The following ASTN2 variants were observed in gnomAD, a reference collection of about 807,000 sequenced individuals.
The protein encoded by ASTN2 is astrotactin 2.
ASTN2 carries 54 observed loss-of-function variants against 139.8 expected under a neutral mutation model. The observed-to-expected ratio is 0.39, with a 90% CI of 0.31 to 0.48. The LOEUF is 0.48. Among genes scored for constraint, ASTN2 ranks in the 20% least tolerant of loss-of-function variants. The pLI is 0.95. For synonymous variants in ASTN2, 756 were observed against 719.5 expected (o/e 1.05, Z -0.81); for missense variants, 1,565 against 1,725.1 (o/e 0.91, Z 1.64).
chr9:117,322,635 C>T (rs1282306362), intron 1 of ASTN2, among the ~76,000 whole-genome samples: 3 of 152,184 alleles, frequency 2.0e-5, no homozygotes, highest in African/African-American at 7.2e-5. Flanking sequence ...TAGCCAAAGA[C>T]AGAGCCCTCT....
At chr9:116,599,131 G>A (rs1854737498) in intron 19 of ASTN2, among the ~76,000 whole-genome samples, 1 of 152,146 alleles carries the variant, frequency 6.6e-6, no homozygotes, top group Admixed American at 6.6e-5. Context: ...AGACGACCTA[G>A]AGTTTCCATG....
At chr9:116,953,264 G>A (rs1419252394) in intron 10 of ASTN2, among the ~76,000 whole-genome samples, 4 of 152,194 alleles carry the variant, frequency 2.6e-5, no homozygotes, top group African/African-American at 7.2e-5. Flanking sequence ...GTTAAGTGGG[G>A]TGCCCAAAGC....
chr9:116,768,313 CTCCATCTT>C (rs150070353), intron 13 of ASTN2, among the ~76,000 whole-genome samples: 46,232 of 151,808 alleles, frequency 0.3, 7,654 homozygotes, highest in Non-Finnish European at 0.38. Flanking sequence ...AACTGCTGGT[CTCCATCTT>C]TCTCTTACTC....
intron 13 of ASTN2, among the ~76,000 whole-genome samples, chr9:116,782,351 T>C (rs1830242170): frequency 6.6e-6 from 1 of 152,162 alleles, no homozygotes; most frequent in Admixed American, 6.5e-5. Flanking sequence ...AACTTGACAA[T>C]ATTAACATAA....
At chr9:117,122,618 T>C (rs1015911327) in intron 4 of ASTN2, among the ~76,000 whole-genome samples, 1 of 152,148 alleles carries the variant, frequency 6.6e-6, no homozygotes, top group African/African-American at 2.4e-5. Flanking sequence ...AAGGTGTGGA[T>C]GCATGATTCG....
chr9:116,846,292 C>T (rs1217021580), intron 11 of ASTN2, among the ~76,000 whole-genome samples: 1 of 152,152 alleles, frequency 6.6e-6, no homozygotes, highest in East Asian at 1.9e-4. Flanking sequence ...TGTGAATTTG[C>T]ATCACGCTAC....
intron 2 of ASTN2, among the ~76,000 whole-genome samples, chr9:117,284,670 A>C (rs980593229): frequency 2.0e-5 from 3 of 152,222 alleles, no homozygotes; most frequent in Non-Finnish European, 4.4e-5. Context: ...TTGTTATTGC[A>C]AACTAGGAAG....
At chr9:116,876,447 C>T (rs1235210796) in intron 10 of ASTN2, among the ~76,000 whole-genome samples, 1 of 152,188 alleles carries the variant, frequency 6.6e-6, no homozygotes, top group Admixed American at 6.5e-5. Flanking sequence ...CATAAACTTG[C>T]TTGATAAAGC....
chr9:117,162,227 A>G (rs547753086), intron 3 of ASTN2, among the ~76,000 whole-genome samples: 3 of 152,158 alleles, frequency 2.0e-5, no homozygotes, highest in Admixed American at 6.5e-5. Context: ...TTTGGGAAAC[A>G]GCATTATTGT....
At chr9:116,680,006 C>A (rs1037629247) in intron 16 of ASTN2, among the ~76,000 whole-genome samples, 2 of 151,830 alleles carry the variant, frequency 1.3e-5, no homozygotes, top group Non-Finnish European at 2.9e-5. Context: ...TAGCAGAAGG[C>A]AAGAAATAAC....
chr9:116,512,832 T>G (rs528022002), intron 19 of ASTN2, among the ~76,000 whole-genome samples: 1 of 152,172 alleles, frequency 6.6e-6, no homozygotes, highest in Admixed American at 6.6e-5. Context: ...AACCCCTGTC[T>G]TTTTGTTTTC....
At chr9:116,992,794 G>A (rs1341570998) in intron 7 of ASTN2, among the ~76,000 whole-genome samples, 1 of 152,168 alleles carries the variant, frequency 6.6e-6, no homozygotes. Context: ...CCTCCCTGGG[G>A]CATAGACAGC....
rs1157784103 is a variant in ASTN2, at chr9:117,291,443, C to T, written c.513G>A (p.Leu171=). 1 of 1,614,072 alleles carries T rather than the reference C, an allele frequency of 6.2e-7. No homozygotes were observed. Among genetic ancestry groups the T allele is most frequent in the Non-Finnish European group, 8.5e-7 (1 of 1,180,022 alleles). ...WRQQWLENGT[L]YFHVSMSSSG... is the part of the protein sequence containing the mutation. Reference sequence around the variant, plus strand: ...AGCTGCTCATGGAGACGTGGAAGTACAAGGTGCCATTCTCCAGCCACTGCT... The same window carrying T: ...AGCTGCTCATGGAGACGTGGAAGTATAAGGTGCCATTCTCCAGCCACTGCT... The change falls in exon 2 of 23, where the codon TTG becomes TTA. Residue 171 remains leucine, a synonymous_variant. Coordinates refer to ENST00000313400, the MANE Select transcript of ASTN2 (RefSeq NM_001365068.1).
Position 117,414,788 on chromosome 9 carries a change from C to T in ASTN2, c.151G>A (p.Ala51Thr). Residue 51 changes from alanine to threonine, a missense_variant, in exon 1 of 23, where the codon GCC (alanine) becomes ACC (threonine). Physicochemically the swap from Ala to Thr is moderately conservative, Grantham distance 58. Coordinates refer to ENST00000313400, the MANE Select transcript of ASTN2 (RefSeq NM_001365068.1). The surrounding 1 kb of genome is among the most constrained non-coding windows in gnomAD (Gnocchi z 4.2). ...LLPPPPLLAGATAAASREPDS... is the reference protein window; with the variant it reads ...LLPPPPLLAGTTAAASREPDS... ...GGCTCCCGCGAGGCAGCGGCGGTGG[C>T]GCCGGCCAGCAGCGGCGGCGGCGGC... is the stretch of plus-strand genomic sequence containing the variant. The T allele has an allele frequency of 8.0e-7, 1 of 1,247,456 alleles. No individual in the cohort carries two copies. The highest frequency in any genetic ancestry group is 4.2e-5 in the Admixed American group (1 of 24,016). 77.3% of individuals were successfully genotyped at this position (1,247,456 alleles called of 1,614,324 possible).
intron 10 of ASTN2, among the ~76,000 whole-genome samples, chr9:116,929,820 T>C (rs931270612): frequency 6.6e-6 from 1 of 152,222 alleles, no homozygotes; most frequent in African/African-American, 2.4e-5. Flanking sequence ...TTTGAAGGAA[T>C]AGTCTTTCCA....
intron 4 of ASTN2, among the ~76,000 whole-genome samples, chr9:117,119,589 G>C (rs912815516): frequency 2.0e-5 from 3 of 152,198 alleles, no homozygotes; most frequent in Admixed American, 1.3e-4. Flanking sequence ...CACATGCAAT[G>C]ATTGGGAGCT....
intron 7 of ASTN2, among the ~76,000 whole-genome samples, chr9:116,995,881 C>T (rs1836998768): frequency 6.6e-6 from 1 of 152,098 alleles, no homozygotes; most frequent in Non-Finnish European, 1.5e-5. Context: ...CACTCTGTAA[C>T]CCAGGTTGGA....
At chr9:116,749,699 G>A (rs1447004770) in intron 13 of ASTN2, among the ~76,000 whole-genome samples, 1 of 152,208 alleles carries the variant, frequency 6.6e-6, no homozygotes, top group East Asian at 1.9e-4. Flanking sequence ...AGTGTTGGAG[G>A]TGGAGCCTGT....
intron 5 of ASTN2, among the ~76,000 whole-genome samples, chr9:117,071,619 G>A (rs973429386): frequency 1.8e-4 from 27 of 149,628 alleles, no homozygotes; most frequent in East Asian, 1.0e-3. Context: ...CCTCGCTGCC[G>A]CCTTGCAGTT....
Sources: gnomAD v4.1 joint callset for allele counts (sites outside exome capture counted in the v4.1 genomes callset) on GRCh38, gnomAD v4.1.1 for gene constraint, Gnocchi (gnomAD v3.1) non-coding constraint, MANE v1.5 for transcripts, NCBI Gene and HGNC (gene_info 2026-07-23, HGNC 2026-07-21) for gene names.